Variants in ANKRD40 observed in about 807,000 individuals in gnomAD.
ANKRD40 encodes the protein ankyrin repeat domain-containing protein 40.
Under a neutral mutation model 35.5 loss-of-function variants are expected in ANKRD40, and 24 were observed. The ratio of observed to expected loss-of-function variants is 0.68; its 90% CI spans 0.49 to 0.95. The LOEUF (loss-of-function observed/expected upper bound fraction) is 0.95. ANKRD40 is among the 40% of genes least tolerant of loss of function. The pLI, the probability that ANKRD40 is intolerant of heterozygous loss-of-function variation, is 0.00. For missense variants in ANKRD40, 361 were observed against 436.0 expected (o/e 0.83, Z 1.53); for synonymous variants, 147 against 173.5 (o/e 0.85, Z 1.20).
At chr17:50,699,226 A>T (rs980446265) in intron 3 of ANKRD40, among the ~76,000 whole-genome samples, 173 bp downstream of exon 3, 1 of 152,152 alleles carries the variant, frequency 6.6e-6, no homozygotes, top group Non-Finnish European at 1.5e-5. Context: ...GAAGGGTATC[A>T]GGGTAAAAGG....
intron 1 of ANKRD40, among the ~76,000 whole-genome samples, chr17:50,705,880 C>T (rs902737133): frequency 4.7e-5 from 7 of 149,366 alleles, no homozygotes; most frequent in African/African-American, 1.7e-4. Flanking sequence ...AGAATGGTCT[C>T]GAACTCCTGA....
At chr17:50,703,912 G>T (rs1191268172) in intron 1 of ANKRD40, among the ~76,000 whole-genome samples, 1 of 152,110 alleles carries the variant, frequency 6.6e-6, no homozygotes, top group East Asian at 1.9e-4. Flanking sequence ...GGAGGCTATT[G>T]TAATAATCCA....
At chr17:50,700,512 C>A in intron 2 of ANKRD40, 56 bp downstream of exon 2, 1 of 1,563,866 alleles carries the variant, frequency 6.4e-7, no homozygotes, top group African/African-American at 1.4e-5. Context: ...GCCAATAATA[C>A]CACAAGTCTT....
chr17:50,698,496 C>T (rs1479798551), intron 3 of ANKRD40, among the ~76,000 whole-genome samples: 1 of 152,036 alleles, frequency 6.6e-6, no homozygotes, highest in Admixed American at 6.5e-5. Flanking sequence ...GATAGAAAAT[C>T]ATATCCCACA....
In ANKRD40 at chr17:50,700,548, T is replaced by A. The variant is rs757073006; in HGVS notation, c.283+20A>T. 2.2e-5 allele frequency: 36 copies of A among 1,612,178 alleles called. No homozygotes were observed. The highest frequency in any genetic ancestry group is 2.6e-5 in the Non-Finnish European group (31 of 1,178,964). The stretch of plus-strand genomic sequence containing the variant: ...CAATGAGTCTGAGGAAATCAAAAGT[T>A]CCCCCAAACACAGACTCACCTCCCA... On this transcript the variant is annotated intron_variant, in intron 2 of 4. Transcript: ENST00000285243.
intron 3 of ANKRD40, among the ~76,000 whole-genome samples, chr17:50,699,135 G>A (rs1217183955): frequency 2.0e-5 from 3 of 152,038 alleles, no homozygotes; most frequent in Non-Finnish European, 4.4e-5. Context: ...CTCCAGCCTG[G>A]GTGACAGGGC....
At chr17:50,702,943 T>A (rs192682279) in intron 1 of ANKRD40, among the ~76,000 whole-genome samples, 4 of 152,364 alleles carry the variant, frequency 2.6e-5, no homozygotes, top group Non-Finnish European at 4.4e-5. Context: ...TGATTAGTGA[T>A]CAATCTAATT....
chr17:50,703,975 G>A (rs1356484156), intron 1 of ANKRD40, among the ~76,000 whole-genome samples: 1 of 151,996 alleles, frequency 6.6e-6, no homozygotes, highest in Non-Finnish European at 1.5e-5. Flanking sequence ...TAGGGTTAGT[G>A]AGAAGTAGTC....
At chr17:50,697,421 G>A (rs985046752) in intron 3 of ANKRD40, among the ~76,000 whole-genome samples, 1 of 152,206 alleles carries the variant, frequency 6.6e-6, no homozygotes, top group African/African-American at 2.4e-5. Flanking sequence ...TCTGCCATTG[G>A]AGCTAAGGAG....
At position 50,693,275 on chromosome 17, in the gene ANKRD40, A is replaced by G. The variant is rs1968152393; in HGVS notation, c.*2722T>C. ...TGCACAAAGAAAAAATCTTCAGTGAATGTTTACACACAGTGTGAACACATG... is the reference window on the plus strand; with the variant it reads ...TGCACAAAGAAAAAATCTTCAGTGAGTGTTTACACACAGTGTGAACACATG... On this transcript the variant is annotated 3_prime_UTR_variant, in exon 5 of 5. Transcript: ENST00000285243. 1 of 152,238 alleles carries G rather than the reference A, an allele frequency of 6.6e-6. No homozygotes were observed. Among genetic ancestry groups the G allele is most frequent in the African/African-American group, 2.4e-5 (1 of 41,456 alleles). The allele number at this position is 152,238 out of a possible 1,614,324, so 9.4% of individuals were successfully genotyped here. A position where few individuals can be genotyped will look rare whatever the true frequency, so the allele number is the denominator to read the frequency against.
At chr17:50,706,125 C>T (rs1968334565) in intron 1 of ANKRD40, among the ~76,000 whole-genome samples, 2 of 142,314 alleles carry the variant, frequency 1.4e-5, no homozygotes, top group Non-Finnish European at 3.1e-5. Flanking sequence ...TGTAAACTCA[C>T]TTTTTTTTTT....
intron 2 of ANKRD40, 58 bp downstream of exon 2, chr17:50,700,510 T>A: frequency 4.1e-6 from 6 of 1,473,048 alleles, no homozygotes; most frequent in Non-Finnish European, 5.6e-6. Flanking sequence ...TAGCCAATAA[T>A]ACCACAAGTC....
At position 50,707,229 on chromosome 17, in the gene ANKRD40, A is replaced by G. The variant is rs1968351438; in HGVS notation, c.134+292T>C. On this transcript the variant is annotated intron_variant, in intron 1 of 4. Transcript: ENST00000285243. The surrounding 1 kb of genome is among the most constrained non-coding windows in gnomAD (Gnocchi z 4.8). ...ATAGTCGCTGAGAATCACTGCCTCC[A>G]GCACCGCTCTGACCAAGTGAGCCGG... 6.6e-6 allele frequency among the ~76,000 whole-genome samples: 1 copy of G among 152,166 alleles called. No homozygotes were observed. The highest frequency in any genetic ancestry group is 1.5e-5 in the Non-Finnish European group (1 of 68,006).
chr17:50,706,209 C>T (rs1378504397), intron 1 of ANKRD40, among the ~76,000 whole-genome samples: 2 of 151,358 alleles, frequency 1.3e-5, no homozygotes, highest in Non-Finnish European at 2.9e-5. Context: ...GCAACCTCCG[C>T]CTCCCAGGTT....
In ANKRD40 at chr17:50,707,726, C is replaced by A; in HGVS notation, c.-72G>T. 1 of 1,132,984 alleles carries A rather than the reference C, an allele frequency of 8.8e-7. No homozygotes were observed. Among genetic ancestry groups the A allele is most frequent in the Non-Finnish European group, 1.1e-6 (1 of 915,526 alleles). 70.2% of individuals were successfully genotyped at this position (1,132,984 alleles called of 1,614,324 possible). The stretch of plus-strand genomic sequence containing the variant: ...GCCCGGGGCCTGTCAGCGCCGCCGC[C>A]GTCGCCGCGGCCCGCTCCCGGCCAT... On this transcript the variant is annotated 5_prime_UTR_variant, in exon 1 of 5. Coordinates refer to ENST00000285243, the MANE Select transcript of ANKRD40 (RefSeq NM_052855.4). This position sits in a 1 kb window ranked among gnomAD's most constrained non-coding sequence, Gnocchi z 4.8.
At chr17:50,696,352 C>T (rs1002413078) in intron 4 of ANKRD40, among the ~76,000 whole-genome samples, 1 of 152,174 alleles carries the variant, frequency 6.6e-6, no homozygotes. Context: ...TCAGCAGCTG[C>T]GACAGCATGA....
rs1332289772 is a variant in ANKRD40, at chr17:50,707,475, TC to T, written c.134+45del. On this transcript the variant is annotated intron_variant, in intron 1 of 4. Transcript: ENST00000285243. The surrounding 1 kb of genome is among the most constrained non-coding windows in gnomAD (Gnocchi z 4.8). ...GGTCGCGACTGACTGCCCCACGCCTTCCGACCGGCTGCCCTGACCCTAGGCC... is the reference window on the plus strand; with the variant it reads ...GGTCGCGACTGACTGCCCCACGCCTTCGACCGGCTGCCCTGACCCTAGGCC... 1 of 1,581,644 alleles carries T rather than the reference TC, an allele frequency of 6.3e-7. No individual in the cohort carries two copies. Among genetic ancestry groups the T allele is most frequent in the Admixed American group, 1.7e-5 (1 of 57,466 alleles).
Position 50,699,889 on chromosome 17 carries a change from T to C in ANKRD40, c.288A>G (p.Glu96=). ...CATCATCATCATCATCATCTTCTTC[T>C]TCCACTTAAAAAGAAGAAAACAGAA... The part of the protein sequence containing the change: ...RREIRKIMGV[E]EEDDDDDDDD... The change falls in exon 3 of 5, where the codon GAA becomes GAG. Residue 96 remains glutamate (E), a synonymous_variant. Transcript: ENST00000285243. 1 of 1,506,460 alleles carries C rather than the reference T, an allele frequency of 6.6e-7. No individual in the cohort carries two copies. Among genetic ancestry groups the C allele is most frequent in the African/African-American group, 1.4e-5 (1 of 71,586 alleles). 93.3% of individuals were successfully genotyped at this position (1,506,460 alleles called of 1,614,324 possible).
intron 1 of ANKRD40, chr17:50,701,013 T>C (rs565044318): frequency 3.6e-6 from 1 of 274,210 alleles, no homozygotes; most frequent in South Asian, 5.8e-5. Context: ...TACCGTGGAA[T>C]ATACTCTATC....
Sources: gnomAD v4.1 joint callset for allele counts (sites outside exome capture counted in the v4.1 genomes callset) on GRCh38, gnomAD v4.1.1 for gene constraint, Gnocchi (gnomAD v3.1) non-coding constraint, MANE v1.5 for transcripts, NCBI Gene and HGNC (gene_info 2026-07-23, HGNC 2026-07-21) for gene names.